Variants in TG observed in about 807,000 individuals in gnomAD.
The protein encoded by TG is thyroid hormones.
Under a neutral mutation model 324.7 loss-of-function variants are expected in TG, and 270 were observed. The ratio of observed to expected loss-of-function variants is 0.83; its 90% CI spans 0.75 to 0.92. The LOEUF (loss-of-function observed/expected upper bound fraction) is 0.92. Among genes scored for constraint, TG ranks in the 40% least tolerant of loss-of-function variants. TG has a pLI of 0.00. For synonymous variants in TG, 1,401 were observed against 1,327.0 expected, an observed-to-expected ratio of 1.06 and a Z score of -1.21; for missense variants, 3,591 against 3,456.4, an observed-to-expected ratio of 1.04 and a Z score of -0.98.
At position 132,967,786 on chromosome 8, in the gene TG, G is replaced by A; in HGVS notation, c.5687-8G>A. 6.2e-7 allele frequency: 1 copy of A among 1,613,494 alleles called. No homozygotes were observed. Among genetic ancestry groups the A allele is most frequent in the South Asian group, 1.1e-5 (1 of 91,028 alleles). On this transcript the variant is annotated splice_polypyrimidine_tract_variant and splice_region_variant and intron_variant, in intron 30 of 47. Coordinates refer to ENST00000220616, the MANE Select transcript of TG (RefSeq NM_003235.5). ...AAAACTAAAATCACACTACTCTCTT[G>A]CCTGTAGGTTGTGTGCAGGAGCACT...
At chr8:132,940,967 G>A (rs971408796) in intron 25 of TG, among the ~76,000 whole-genome samples, 5 of 152,196 alleles carry the variant, frequency 3.3e-5, no homozygotes, top group African/African-American at 7.2e-5. Flanking sequence ...AGAGCAAGGC[G>A]GTGAAAATCA....
Position 132,887,664 on chromosome 8 carries a change from A to G in TG, c.2176+116A>G, listed in dbSNP as rs1327856821. ...GCCAATGCTTACACTTCAGTTAAGG[A>G]CAAAATTGACTGCTTATATTAAAAA... On this transcript the variant is annotated intron_variant, in intron 9 of 47. Transcript: ENST00000220616. 5.9e-6 allele frequency: 8 copies of G among 1,353,242 alleles called. No individual in the cohort carries two copies. In the Admixed American group the frequency reaches 1.4e-4, roughly 23 times the overall value. The allele number at this position is 1,353,242 out of a possible 1,614,324, so 83.8% of individuals were successfully genotyped here.
rs1554706931 is a variant in TG, at chr8:133,042,709, T to TTTG, written c.7239+12686_7239+12687insTTG. Among the ~76,000 whole-genome samples the TTTG allele has an allele frequency of 3.5e-4, 49 of 138,676 alleles. 1 individual carries two copies. Among genetic ancestry groups the TTTG allele is most frequent in the African/African-American group, 1.3e-3 (46 of 35,860 alleles). 91.0% of individuals were successfully genotyped at this position (138,676 alleles called of 152,430 possible). On this transcript the variant is annotated intron_variant, in intron 41 of 47. Transcript: ENST00000220616. ...TTTTTTTTTTTTTTTTTTTTTTTTT[T>TTTG]GTGAGATGGAGTCTTGCTCTGCCAC...
chr8:132,907,874 A>G (rs538765791), intron 17 of TG, among the ~76,000 whole-genome samples: 4 of 152,280 alleles, frequency 2.6e-5, no homozygotes, highest in African/African-American at 9.6e-5. Context: ...CTGAAAAACC[A>G]TACAGAGTGG....
intron 23 of TG, among the ~76,000 whole-genome samples, chr8:132,932,740 C>T (rs1363727086): frequency 1.3e-5 from 2 of 152,162 alleles, no homozygotes; most frequent in Non-Finnish European, 1.5e-5. Context: ...CGCATGGCCT[C>T]CTGTCATCTT....
chr8:133,081,526 G>A (rs1411999067), intron 41 of TG, among the ~76,000 whole-genome samples: 1 of 152,104 alleles, frequency 6.6e-6, no homozygotes, highest in African/African-American at 2.4e-5. Context: ...GAACCTAAAT[G>A]TGTATGTCAT....
At chr8:133,116,529 G>C in intron 44 of TG, 80 bp from the exon 45 acceptor site, 1 of 1,378,082 alleles carries the variant, frequency 7.3e-7, no homozygotes, top group South Asian at 1.2e-5. Flanking sequence ...GGGGCCCCTT[G>C]CTGGGAGAAG....
intron 40 of TG, among the ~76,000 whole-genome samples, chr8:133,028,753 T>A (rs958928674): frequency 6.6e-6 from 1 of 152,228 alleles, no homozygotes; most frequent in Admixed American, 6.5e-5. Context: ...GAGACCATGG[T>A]ATTCTCTTCA....
At chr8:132,954,974 C>A (rs1197197728) in intron 27 of TG, among the ~76,000 whole-genome samples, 1 of 152,180 alleles carries the variant, frequency 6.6e-6, no homozygotes, top group Non-Finnish European at 1.5e-5. Context: ...AACACATGGC[C>A]TCCTGAGGCA....
At position 133,062,181 on chromosome 8, in the gene TG, C is replaced by T. The variant is rs189968035; in HGVS notation, c.7239+32158C>T. 2.0e-3 allele frequency among the ~76,000 whole-genome samples: 306 copies of T among 152,262 alleles called. 1 individual carries two copies. Among genetic ancestry groups the T allele is most frequent in the African/African-American group, 7.1e-3 (294 of 41,562 alleles). Reference sequence around the variant, plus strand: ...AGGATGCCCTTGCAAATTTGAGGCTCGGGCCCTTCTTTCTTCATGCTTGCC... The same window carrying T: ...AGGATGCCCTTGCAAATTTGAGGCTTGGGCCCTTCTTTCTTCATGCTTGCC... On this transcript the variant is annotated intron_variant, in intron 41 of 47. Transcript: ENST00000220616.
chr8:132,976,228 A>T (rs769138665), intron 34 of TG, among the ~76,000 whole-genome samples: 1 of 152,214 alleles, frequency 6.6e-6, no homozygotes, highest in Non-Finnish European at 1.5e-5. Context: ...ACAGAAATGT[A>T]TTGGCTCTCA....
At chr8:133,092,574 TACCTGGCC>T (rs1346583743) in intron 41 of TG, among the ~76,000 whole-genome samples, 2 of 152,186 alleles carry the variant, frequency 1.3e-5, no homozygotes, top group Non-Finnish European at 2.9e-5. Flanking sequence ...CTTCTTCACC[TACCTGGCC>T]TCATGCATCT....
At chr8:132,884,377 C>A (rs1172650229) in intron 8 of TG, among the ~76,000 whole-genome samples, 2 of 152,142 alleles carry the variant, frequency 1.3e-5, no homozygotes, top group African/African-American at 4.8e-5. Context: ...AGGGAAGAAC[C>A]AGGAGCATTC....
intron 27 of TG, among the ~76,000 whole-genome samples, chr8:132,959,610 T>G (rs562829240): frequency 6.6e-6 from 1 of 152,338 alleles, no homozygotes; most frequent in Non-Finnish European, 1.5e-5. Flanking sequence ...GAACATATTC[T>G]GGTTGGTAAG....
chr8:133,118,702 T>C (rs535945635), intron 45 of TG, among the ~76,000 whole-genome samples: 25 of 152,190 alleles, frequency 1.6e-4, no homozygotes, highest in Middle Eastern at 3.4e-3. Flanking sequence ...GCCACCTCTG[T>C]TTTACAGAGG....
At chr8:132,905,643 C>T (rs147637940) in intron 16 of TG, among the ~76,000 whole-genome samples, 93 of 152,254 alleles carry the variant, frequency 6.1e-4, no homozygotes, top group African/African-American at 2.2e-3. Context: ...GTGTCTGGGG[C>T]AGCTGTGTGC....
intron 3 of TG, 35 bp downstream of exon 3, chr8:132,869,861 C>T (rs369008058): frequency 1.3e-6 from 2 of 1,584,118 alleles, no homozygotes; most frequent in Non-Finnish European, 1.7e-6. Context: ...TTGGAGGGAC[C>T]CTGCTAGGAC....
At position 133,134,664 on chromosome 8, in the gene TG, C is replaced by T. The variant is rs1488910575; in HGVS notation, c.8189-12C>T. On this transcript the variant is annotated splice_polypyrimidine_tract_variant and intron_variant, in intron 47 of 47. Coordinates refer to ENST00000220616, the MANE Select transcript of TG (RefSeq NM_003235.5). The stretch of plus-strand genomic sequence containing the variant: ...CTGGCTTGGACCAACCTTCCTTGCC[C>T]CTCTGTTTCAGATGGAGCCAAGGGC... 5.0e-6 allele frequency: 8 copies of T among 1,612,108 alleles called. No homozygotes were observed. The highest frequency in any genetic ancestry group is 6.8e-6 in the Non-Finnish European group (8 of 1,178,416).
rs74353934 is a variant in TG, at chr8:132,994,779, A to G, written c.6262+11367A>G. 6.1e-3 allele frequency: 7,820 copies of G among 1,288,336 alleles called. 55 individuals carry two copies. The highest frequency in any genetic ancestry group is 0.01 in the South Asian group (821 of 80,906). The allele number at this position is 1,288,336 out of a possible 1,614,324, so 79.8% of individuals were successfully genotyped here. A position where few individuals can be genotyped will look rare whatever the true frequency, so the allele number is the denominator to read the frequency against. ...AGGATGGAGTGAGGGCTTCCGTATA[A>G]CTGGAGTACCTGGTGTCATGGGAAG... On this transcript the variant is annotated intron_variant, in intron 35 of 47. Transcript: ENST00000220616.
Sources: gnomAD v4.1 joint callset for allele counts (sites outside exome capture counted in the v4.1 genomes callset) on GRCh38, gnomAD v4.1.1 for gene constraint, MANE v1.5 for transcripts, NCBI Gene and HGNC (gene_info 2026-07-23, HGNC 2026-07-21) for gene names.